The following FGF13 variants were observed in gnomAD, a reference collection of about 807,000 sequenced individuals.
The protein encoded by FGF13 is fibroblast growth factor homologous factor 2.
Under a neutral mutation model 19.5 loss-of-function variants are expected in FGF13, and 2 were observed. The ratio of observed to expected loss-of-function variants is 0.10; its 90% CI spans 0.04 to 0.32. FGF13 has a LOEUF of 0.32. FGF13 is among the 10% of genes least tolerant of loss of function. The probability of loss-of-function intolerance (pLI) is 1.00; values close to 1 mark genes in which losing one functional copy is unlikely to be tolerated. For synonymous variants in FGF13, 72 were observed against 76.9 expected (o/e 0.94, Z 0.33); for missense variants, 113 against 192.7 (o/e 0.59, Z 2.45).
intron 1 of FGF13, among the ~76,000 whole-genome samples, chrX:139,157,942 G>T (rs1478724686): frequency 1.8e-5 from 2 of 112,417 alleles, no homozygotes; most frequent in East Asian, 5.7e-4. Context: ...GACAGTGGGT[G>T]CAGCCCATGG....
intron 1 of FGF13, among the ~76,000 whole-genome samples, chrX:139,072,132 G>A (rs1476530609): frequency 9.2e-6 from 1 of 108,462 alleles, no homozygotes; most frequent in Non-Finnish European, 1.9e-5. Flanking sequence ...AACTTGTAAT[G>A]TAACTATTTT....
At position 139,102,933 on chromosome X, in the gene FGF13, T is replaced by C. The variant is rs146119269; in HGVS notation, c.-113+100483A>G. 9.8e-5 allele frequency among the ~76,000 whole-genome samples: 11 copies of C among 112,481 alleles called. No homozygotes were observed. In the East Asian group the frequency reaches 3.1e-3, roughly 32 times the overall value. ...TCTAGATAAGACAATGAGAAACATA[T>C]TTGAAGAATGATGCCTAGATCCATG... On this transcript the variant is annotated intron_variant, in intron 1 of 2. Coordinates refer to the FGF13 transcript ENST00000421460.
In FGF13 at chrX:138,620,661, A is replaced by G. The variant is rs2089007479; in HGVS notation, c.*12189T>C. On this transcript the variant is annotated 3_prime_UTR_variant, in exon 5 of 5. Coordinates refer to ENST00000315930, the MANE Select transcript of FGF13 (RefSeq NM_004114.5). ...AAATAATTAATTTTAATGTAAGTAG[A>G]TTAAATTCTCTAATCAAAAGACAGT... 8.9e-6 allele frequency: 1 copy of G among 111,732 alleles called. No homozygotes were observed. The highest frequency in any genetic ancestry group is 3.2e-5 in the African/African-American group (1 of 30,782). 9.2% of individuals were successfully genotyped at this position (111,732 alleles called of 1,213,427 possible). A position where few individuals can be genotyped will look rare whatever the true frequency, so the allele number is the denominator to read the frequency against.
At chrX:138,935,238 T>C (rs913973297) in intron 1 of FGF13, among the ~76,000 whole-genome samples, 1 of 111,630 alleles carries the variant, frequency 9.0e-6, no homozygotes, top group African/African-American at 3.3e-5. Flanking sequence ...TACAGTCATG[T>C]CAAATACTGT....
At chrX:138,765,577 G>A (rs924763607) in intron 3 of FGF13, among the ~76,000 whole-genome samples, 1 of 111,915 alleles carries the variant, frequency 8.9e-6, no homozygotes, top group African/African-American at 3.2e-5. Context: ...AGGCCTGGAG[G>A]AGATTTCAGA....
chrX:138,918,632 G>C (rs1329552127), intron 1 of FGF13, among the ~76,000 whole-genome samples: 1 of 111,647 alleles, frequency 9.0e-6, no homozygotes, highest in Non-Finnish European at 1.9e-5. Flanking sequence ...ACAAGTCACA[G>C]TCTCTTCTCT....
At chrX:138,702,138 C>A (rs1468249680) in intron 3 of FGF13, among the ~76,000 whole-genome samples, 1 of 110,354 alleles carries the variant, frequency 9.1e-6, no homozygotes, top group Non-Finnish European at 1.9e-5. Flanking sequence ...GGAGTGTCAC[C>A]ACGGCACTCC....
chrX:139,124,266 CATG>C (rs2083699108), intron 1 of FGF13, among the ~76,000 whole-genome samples: 1 of 112,750 alleles, frequency 8.9e-6, no homozygotes, highest in African/African-American at 3.2e-5. Context: ...CACATAACCC[CATG>C]ACATGAATCT....
chrX:138,623,813 A>G lies in FGF13; in HGVS notation c.*9037T>C, dbSNP rs2089033765. ...AACAAACAAACAAACAAAATAAAAT[A>G]AATTAGAAAAACAATCCCATTTGCA... On this transcript the variant is annotated 3_prime_UTR_variant, in exon 5 of 5. Transcript: ENST00000315930. 1 of 111,526 alleles carries G rather than the reference A, an allele frequency of 9.0e-6. No homozygotes were observed. Among genetic ancestry groups the G allele is most frequent in the Non-Finnish European group, 1.9e-5 (1 of 53,203 alleles). The allele number at this position is 111,526 out of a possible 1,213,427, so 9.2% of individuals were successfully genotyped here.
At chrX:139,058,565 C>G (rs772638541) in intron 1 of FGF13, among the ~76,000 whole-genome samples, 1 of 111,364 alleles carries the variant, frequency 9.0e-6, no homozygotes, top group Admixed American at 9.6e-5. Context: ...TTTTCTATAT[C>G]AGTTGTTAGA....
chrX:139,132,439 C>G (rs983524592), intron 1 of FGF13, among the ~76,000 whole-genome samples: 25 of 112,132 alleles, frequency 2.2e-4, no homozygotes, highest in Non-Finnish European at 3.6e-4. Context: ...TTGGTAATTT[C>G]CCTTAATTTT....
chrX:138,880,624 T>C (rs368963913), intron 1 of FGF13, among the ~76,000 whole-genome samples: 8 of 111,758 alleles, frequency 7.2e-5, no homozygotes, highest in Non-Finnish European at 1.5e-4. Context: ...GCATATGGTA[T>C]GAGATATGGG....
In FGF13 at chrX:138,627,119, G is replaced by A. The variant is rs2089070089; in HGVS notation, c.*5731C>T. 1 of 111,456 alleles carries A rather than the reference G, an allele frequency of 9.0e-6. No individual in the cohort carries two copies. The highest frequency in any genetic ancestry group is 1.9e-5 in the Non-Finnish European group (1 of 53,119). 9.2% of individuals were successfully genotyped at this position (111,456 alleles called of 1,213,427 possible). A position where few individuals can be genotyped will look rare whatever the true frequency, so the allele number is the denominator to read the frequency against. ...AAAAATTCTCTGTTACTAAACCCCA[G>A]AATATCTTTTTCTACAAAATTGACA... is the stretch of plus-strand genomic sequence containing the variant. On this transcript the variant is annotated 3_prime_UTR_variant, in exon 5 of 5. Coordinates refer to ENST00000315930, the MANE Select transcript of FGF13 (RefSeq NM_004114.5).
At chrX:138,980,795 C>T (rs758997623) in intron 1 of FGF13, among the ~76,000 whole-genome samples, 2 of 108,405 alleles carry the variant, frequency 1.8e-5, no homozygotes, top group East Asian at 5.9e-4. Flanking sequence ...CTTGTAGATG[C>T]CCATTCATTT....
Position 138,625,172 on chromosome X carries a change from A to G in FGF13, c.*7678T>C, listed in dbSNP as rs923479950. 24 of 110,411 alleles carry G rather than the reference A, an allele frequency of 2.2e-4. No homozygotes were observed. The highest frequency in any genetic ancestry group is 7.9e-4 in the African/African-American group (24 of 30,390). The allele number at this position is 110,411 out of a possible 1,213,427, so 9.1% of individuals were successfully genotyped here. On this transcript the variant is annotated 3_prime_UTR_variant, in exon 5 of 5. Coordinates refer to ENST00000315930, the MANE Select transcript of FGF13 (RefSeq NM_004114.5). ...TTATTAATAGGAATAATATTATCCAAAACTTAAAAGATAATGTGTTGGCAA... is the reference window on the plus strand; with the variant it reads ...TTATTAATAGGAATAATATTATCCAGAACTTAAAAGATAATGTGTTGGCAA...
chrX:138,883,275 T>C (rs1049176502), intron 1 of FGF13, among the ~76,000 whole-genome samples: 2 of 111,907 alleles, frequency 1.8e-5, no homozygotes, highest in Non-Finnish European at 3.8e-5. Context: ...CCCAACTTCA[T>C]CTCTGTCAGC....
At chrX:138,984,814 CTGTGTGTGTG>C (rs200719953) in intron 1 of FGF13, among the ~76,000 whole-genome samples, 1 of 90,851 alleles carries the variant, frequency 1.1e-5, no homozygotes, top group Non-Finnish European at 2.2e-5. Flanking sequence ...TATGTCAGTT[CTGTGTGTGTG>C]TGTGTGTGTG....
At chrX:139,146,035 A>T (rs1002263513) in intron 1 of FGF13, among the ~76,000 whole-genome samples, 1 of 111,833 alleles carries the variant, frequency 8.9e-6, no homozygotes, top group Non-Finnish European at 1.9e-5. Flanking sequence ...AACCTAGGCA[A>T]TACCATTCAG....
intron 1 of FGF13, among the ~76,000 whole-genome samples, chrX:139,149,077 T>C (rs2083912984): frequency 8.9e-6 from 1 of 112,038 alleles, no homozygotes; most frequent in Non-Finnish European, 1.9e-5. Flanking sequence ...CCTTGACCTT[T>C]TCTGCTGTCA....
Sources: allele counts gnomAD v4.1 joint callset (sites outside exome capture counted in the v4.1 genomes callset), GRCh38; gene constraint gnomAD v4.1.1; transcripts MANE v1.5; gene names NCBI Gene and HGNC (gene_info 2026-07-23, HGNC 2026-07-21).